Variants in ADAMTS12 observed in about 807,000 individuals in gnomAD.
ADAMTS12 encodes ADAM metallopeptidase with thrombospondin type 1 motif 12.
ADAMTS12 carries 118 observed loss-of-function variants against 167.8 expected under a neutral mutation model. The ratio of observed to expected loss-of-function variants is 0.70; its 90% CI spans 0.61 to 0.82. The LOEUF is 0.82. Ranked by LOEUF, ADAMTS12 falls within the 40% of genes least tolerant of loss-of-function variation. ADAMTS12 has a pLI of 0.00. For missense variants in ADAMTS12, 1,916 were observed against 1,998.8 expected, an observed-to-expected ratio of 0.96 and a Z score of 0.79; for synonymous variants, 704 against 716.9, an observed-to-expected ratio of 0.98 and a Z score of 0.29.
At chr5:33,669,399 A>G (rs901433179) in intron 5 of ADAMTS12, among the ~76,000 whole-genome samples, 5 of 152,160 alleles carry the variant, frequency 3.3e-5, no homozygotes, top group African/African-American at 1.2e-4. Flanking sequence ...ACCATATTCA[A>G]TCTGTGAAAT....
intron 3 of ADAMTS12, among the ~76,000 whole-genome samples, chr5:33,716,591 C>T (rs1743623882): frequency 6.6e-6 from 1 of 152,046 alleles, no homozygotes; most frequent in Non-Finnish European, 1.5e-5. Context: ...TGCTGTTTCT[C>T]TCATTATTGA....
chr5:33,575,988 C>T (rs1222115194), intron 19 of ADAMTS12, 66 bp downstream of exon 19: 1 of 1,527,608 alleles, frequency 6.5e-7, no homozygotes, highest in Admixed American at 2.2e-5. Flanking sequence ...TTGAAATTTT[C>T]ACATGAATTT....
intron 2 of ADAMTS12, among the ~76,000 whole-genome samples, chr5:33,847,956 T>G (rs1162777030): frequency 2.6e-5 from 4 of 152,160 alleles, no homozygotes; most frequent in Non-Finnish European, 5.9e-5. Context: ...GGCTTACACC[T>G]GTAATCCCAG....
At chr5:33,537,376 G>T (rs1744470041) in intron 22 of ADAMTS12, among the ~76,000 whole-genome samples, 1 of 152,220 alleles carries the variant, frequency 6.6e-6, no homozygotes. Flanking sequence ...TGTTCACTAG[G>T]AAATTCCTGA....
At chr5:33,818,573 T>C (rs1747750864) in intron 2 of ADAMTS12, among the ~76,000 whole-genome samples, 1 of 113,776 alleles carries the variant, frequency 8.8e-6, no homozygotes, top group Admixed American at 8.6e-5. Context: ...GGTGATTTCC[T>C]CTCTTTGGGG....
At chr5:33,534,721 C>T in intron 23 of ADAMTS12, 112 bp downstream of exon 23, 3 of 1,414,352 alleles carry the variant, frequency 2.1e-6, no homozygotes, top group Non-Finnish European at 2.8e-6. Flanking sequence ...ACCTCTTTAA[C>T]ATTAAGATTT....
chr5:33,643,548 C>T (rs1740548552), intron 9 of ADAMTS12, 78 bp from the exon 10 acceptor site: 1 of 1,188,734 alleles, frequency 8.4e-7, no homozygotes, highest in East Asian at 2.4e-5. Context: ...AAAATATGCA[C>T]ACTCATCCAC....
chr5:33,636,624 T>A (rs1177047787), intron 12 of ADAMTS12, among the ~76,000 whole-genome samples: 1 of 152,164 alleles, frequency 6.6e-6, no homozygotes, highest in African/African-American at 2.4e-5. Flanking sequence ...ACAGCCCAAA[T>A]ACACAATTCT....
At chr5:33,694,189 T>A (rs149283485) in intron 3 of ADAMTS12, among the ~76,000 whole-genome samples, 5,429 of 152,228 alleles carry the variant, frequency 0.036, 324 homozygotes, top group African/African-American at 0.13. Context: ...TCCATGCTCA[T>A]GGATAGGAAG....
At chr5:33,881,054 T>C in intron 2 of ADAMTS12, 65 bp downstream of exon 2, 4 of 1,562,260 alleles carry the variant, frequency 2.6e-6, no homozygotes, top group Non-Finnish European at 3.5e-6. Context: ...CTGTTGGTAG[T>C]AGGTCTACCA....
chr5:33,850,110 G>A (rs1166385337), intron 2 of ADAMTS12, among the ~76,000 whole-genome samples: 1 of 152,130 alleles, frequency 6.6e-6, no homozygotes. Flanking sequence ...TAGATGATCT[G>A]TTCTTACCAT....
intron 2 of ADAMTS12, among the ~76,000 whole-genome samples, chr5:33,865,519 G>A (rs1749784867): frequency 6.6e-6 from 1 of 152,022 alleles, no homozygotes; most frequent in Non-Finnish European, 1.5e-5. Context: ...TCATACTGAA[G>A]GGGGGGAAGT....
At chr5:33,534,702 T>G in intron 23 of ADAMTS12, 131 bp downstream of exon 23, 1 of 1,218,912 alleles carries the variant, frequency 8.2e-7, no homozygotes, top group East Asian at 2.5e-5. Context: ...TTCCCAGGGT[T>G]ACTGGTTGAC....
intron 2 of ADAMTS12, among the ~76,000 whole-genome samples, chr5:33,826,938 A>C (rs1054965583): frequency 6.6e-6 from 1 of 152,130 alleles, no homozygotes; most frequent in Admixed American, 6.6e-5. Context: ...ATTGGAGTCT[A>C]TAATAAGCTT....
chr5:33,584,865 A>G (rs1747259356), intron 18 of ADAMTS12, among the ~76,000 whole-genome samples: 1 of 152,152 alleles, frequency 6.6e-6, no homozygotes, highest in Non-Finnish European at 1.5e-5. Context: ...AGGAAAAATC[A>G]TTTTCCTAAG....
intron 13 of ADAMTS12, among the ~76,000 whole-genome samples, chr5:33,627,770 T>C (rs1053237862): frequency 2.0e-5 from 3 of 152,154 alleles, no homozygotes; most frequent in African/African-American, 7.2e-5. Context: ...GATCTAGCTC[T>C]GAGCAATTGA....
intron 13 of ADAMTS12, among the ~76,000 whole-genome samples, chr5:33,627,373 ATGG>A (rs145931342): frequency 0.34 from 48,867 of 145,320 alleles, 8,858 homozygotes; most frequent in African/African-American, 0.51. Flanking sequence ...GGTGGTGTTG[ATGG>A]TGGTGGTGGG....
intron 1 of ADAMTS12, among the ~76,000 whole-genome samples, chr5:33,884,187 T>C (rs1750559844): frequency 6.6e-6 from 1 of 152,220 alleles, no homozygotes; most frequent in African/African-American, 2.4e-5. Context: ...GGTCCCTCAA[T>C]GTGGACAATT....
At chr5:33,546,004 G>A in intron 22 of ADAMTS12, 55 bp downstream of exon 22, 3 of 1,478,190 alleles carry the variant, frequency 2.0e-6, no homozygotes, top group Non-Finnish European at 2.7e-6. Context: ...AGAACTTAAA[G>A]TATTAAAAAA....
Sources: allele counts gnomAD v4.1 joint callset (sites outside exome capture counted in the v4.1 genomes callset), GRCh38; gene constraint gnomAD v4.1.1; transcripts MANE v1.5; gene names NCBI Gene and HGNC (gene_info 2026-07-23, HGNC 2026-07-21).